THTPA: variants seen among roughly 807,000 people sequenced by gnomAD.
THTPA encodes the protein thiamine triphosphatase, also known as thiamine-triphosphatase.
Under a neutral mutation model 16.5 loss-of-function variants are expected in THTPA, and 16 were observed. The ratio of observed to expected loss-of-function variants is 0.97; its 90% confidence interval spans 0.66 to 1.47. The LOEUF is 1.47. Ranked by LOEUF, THTPA falls within the 40% of genes most tolerant of loss-of-function variation. The pLI is 0.00. For synonymous variants in THTPA, 110 were observed against 115.5 expected (o/e 0.95, Z 0.30); for missense variants, 281 against 280.9 (o/e 1.00, Z 0.00).
At chr14:23,525,691 T>C in the THTPA span, 1 of 1,529,712 alleles carries the variant, frequency 6.5e-7, no homozygotes, top group Non-Finnish European at 8.7e-7. The surrounding 1 kb of genome is among the most constrained non-coding windows in gnomAD (Gnocchi z 5.9). Flanking sequence ...CATTACCCTC[T>C]TTGGCCATGG....
At chr14:23,545,160 A>G in the THTPA span, among the ~76,000 whole-genome samples, 1 of 151,630 alleles carries the variant, frequency 6.6e-6, no homozygotes, top group South Asian at 2.1e-4. Context: ...TGGCCAAAGG[A>G]CAAATCTCAA....
rs375189164 is a variant in THTPA, at chr14:23,558,836, G to C, written c.689G>C (p.Gly230Ala). The C allele has an allele frequency of 5.0e-6, 8 of 1,614,020 alleles. No individual in the cohort carries two copies. In the South Asian group the frequency reaches 7.7e-5, roughly 16 times the overall value. Residue 230 changes from glycine to alanine, a missense_variant, in exon 2 of 2, where the codon GGC becomes GCC. Gly to Ala is a moderately conservative substitution (Grantham distance 60). Transcript: ENST00000288014. Reference protein sequence around the residue: ...QETEDPDHCLG With the variant: ...QETEDPDHCLA ...ACTGAAGATCCTGACCACTGCCTGGGCTAGGGGTGTCACTTCCTAGAAGGG... is the reference window on the plus strand; with the variant it reads ...ACTGAAGATCCTGACCACTGCCTGGCCTAGGGGTGTCACTTCCTAGAAGGG...
chr14:23,542,743 T>G, the THTPA span, among the ~76,000 whole-genome samples: 1 of 151,934 alleles, frequency 6.6e-6, no homozygotes, highest in East Asian at 1.9e-4. Context: ...TAGGAAAACA[T>G]TCTTTTTTTT....
Position 23,557,056 on chromosome 14 carries a change from G to T in THTPA, c.299G>T (p.Gly100Val). 1 of 1,614,242 alleles carries T rather than the reference G, an allele frequency of 6.2e-7. No homozygotes were observed. The highest frequency in any genetic ancestry group is 8.5e-7 in the Non-Finnish European group (1 of 1,180,050). Reference sequence around the variant, plus strand: ...CTCTGTAAGGTGCTGCGGGCTGACGGCCTGGGGGCTGGAGATGTGGCTGCT... The same window carrying T: ...CTCTGTAAGGTGCTGCGGGCTGACGTCCTGGGGGCTGGAGATGTGGCTGCT... ...AQLCKVLRAD[G>V]LGAGDVAAVL... Residue 100 changes from glycine to valine, a missense_variant, in exon 1 of 2, where the codon GGC (glycine) becomes GTC (valine). By Grantham distance (109) the Gly-to-Val change is moderately radical. Coordinates refer to ENST00000288014, the MANE Select transcript of THTPA (RefSeq NM_024328.6).
rs1882411940 is a variant in THTPA, at chr14:23,556,731, A to G, written c.-27A>G. ...CTTTGCATCCTTGGGAACTCAGCAA[A>G]CGTTTGTTCAGCCAATTGCAGGTAG... On this transcript the variant is annotated 5_prime_UTR_variant, in exon 1 of 2. Transcript: ENST00000288014. The G allele has an allele frequency of 6.3e-7, 1 of 1,599,998 alleles. No individual in the cohort carries two copies. The highest frequency in any genetic ancestry group is 1.7e-5 in the Admixed American group (1 of 58,974).
the THTPA span, chr14:23,528,956 T>A: frequency 2.0e-6 from 1 of 495,968 alleles, no homozygotes; most frequent in Non-Finnish European, 2.6e-6. Flanking sequence ...ACCTAGCCCC[T>A]GGAGCAGACA....
At chr14:23,550,559 C>G in the THTPA span, among the ~76,000 whole-genome samples, 3 of 152,172 alleles carry the variant, frequency 2.0e-5, no homozygotes, top group Non-Finnish European at 4.4e-5. Context: ...TGAAGAACAG[C>G]AAAACCAAAA....
the THTPA span, among the ~76,000 whole-genome samples, chr14:23,516,137 A>G: frequency 6.6e-6 from 1 of 152,218 alleles, no homozygotes; most frequent in Non-Finnish European, 1.5e-5. Flanking sequence ...CAGAGGGCAT[A>G]GAATCATTTC....
At chr14:23,553,090 A>C (rs1271641014), upstream of THTPA, among the ~76,000 whole-genome samples, 1 of 152,240 alleles carries the variant, frequency 6.6e-6, no homozygotes, top group Non-Finnish European at 1.5e-5. Context: ...ATGGCCAATA[A>C]GTAAGTGACA....
the THTPA span, chr14:23,527,716 T>G: frequency 6.5e-7 from 1 of 1,536,198 alleles, no homozygotes. Context: ...GCATCTGTAC[T>G]TGGGCTGCAC....
chr14:23,529,082 T>C, the THTPA span, among the ~76,000 whole-genome samples: 4 of 152,230 alleles, frequency 2.6e-5, no homozygotes, highest in Non-Finnish European at 5.9e-5. Flanking sequence ...TAACAATAAA[T>C]GTTACATATT....
the THTPA span, among the ~76,000 whole-genome samples, chr14:23,515,106 A>G: frequency 6.6e-6 from 1 of 152,162 alleles, no homozygotes; most frequent in African/African-American, 2.4e-5. Context: ...ACAAAACCCT[A>G]GGAGAGCAAA....
At chr14:23,550,403 T>A in the THTPA span, among the ~76,000 whole-genome samples, 6 of 152,246 alleles carry the variant, frequency 3.9e-5, no homozygotes, top group African/African-American at 1.2e-4. Context: ...GGAGAGGGCA[T>A]GGAATCCTAG....
chr14:23,538,901 C>T, the THTPA span, among the ~76,000 whole-genome samples: 4 of 151,980 alleles, frequency 2.6e-5, no homozygotes, highest in East Asian at 1.9e-4. Context: ...GCGCCACAGA[C>T]GGCAGAAAGA....
the THTPA span, among the ~76,000 whole-genome samples, chr14:23,517,735 G>A: frequency 6.6e-6 from 1 of 152,060 alleles, no homozygotes; most frequent in Non-Finnish European, 1.5e-5. Context: ...GAGGAGGGGA[G>A]TGGACCCCTC....
rs780935618 is a variant in THTPA at position 23,559,867 on chromosome 14, A to G, written c.*1027A>G. ...CAGGGGGGCCTAGGAATAGGAGAGC[A>G]GGGACCAGGGTTAGCACCCACGGCT... On this transcript the variant is annotated 3_prime_UTR_variant, in exon 2 of 2. Transcript: ENST00000288014. 4 of 1,613,886 alleles carry G rather than the reference A, an allele frequency of 2.5e-6. No homozygotes were observed. In the Admixed American group the frequency reaches 5.0e-5, roughly 20 times the overall value.
chr14:23,536,302 A>C, the THTPA span, among the ~76,000 whole-genome samples: 10 of 152,212 alleles, frequency 6.6e-5, no homozygotes, highest in Non-Finnish European at 1.3e-4. Flanking sequence ...TTTGAATGGC[A>C]GAATTCTAGG....
the THTPA span, chr14:23,532,910 C>T: frequency 2.0e-6 from 3 of 1,536,112 alleles, no homozygotes; most frequent in African/African-American, 4.1e-5. Flanking sequence ...GCCTATGCTG[C>T]AGTGGTAGAG....
chr14:23,552,014 A>C (rs1164916014), upstream of THTPA, among the ~76,000 whole-genome samples: 1 of 151,944 alleles, frequency 6.6e-6, no homozygotes, highest in Non-Finnish European at 1.5e-5. Context: ...GAAACCATAC[A>C]TGTGTTTTGT....
Sources: allele counts gnomAD v4.1 joint callset (sites outside exome capture counted in the v4.1 genomes callset), GRCh38; gene constraint gnomAD v4.1.1; non-coding constraint Gnocchi (gnomAD v3.1); transcripts MANE v1.5; gene names NCBI Gene and HGNC (gene_info 2026-07-23, HGNC 2026-07-21).